The following PXYLP1 variants were observed in gnomAD, a reference collection of about 807,000 sequenced individuals.
PXYLP1 encodes the protein 2-phosphoxylose phosphatase 1.
Under a neutral mutation model 37.9 loss-of-function variants are expected in PXYLP1, and 17 were observed. The ratio of observed to expected loss-of-function variants is 0.45; its 90% CI spans 0.31 to 0.67. The LOEUF (loss-of-function observed/expected upper bound fraction) is 0.67, where lower values mean the gene tolerates loss of function less well. PXYLP1 is among the 30% of genes least tolerant of loss of function. The pLI is 0.07. For synonymous variants in PXYLP1, 221 were observed against 232.2 expected, an observed-to-expected ratio of 0.95 and a Z score of 0.44; for missense variants, 511 against 612.0, an observed-to-expected ratio of 0.84 and a Z score of 1.74.
At position 141,274,462 on chromosome 3, in the gene PXYLP1, A is replaced by G. The variant is rs529126510; in HGVS notation, c.80-3880A>G. 271 of 1,503,944 alleles carry G rather than the reference A, an allele frequency of 1.8e-4. 2 individuals carry two copies. In the South Asian group the frequency reaches 3.2e-3, roughly 18 times the overall value. The allele number at this position is 1,503,944 out of a possible 1,614,324, so 93.2% of individuals were successfully genotyped here. ...CTCTCCTCTTCCCCTCCACACAGCC[A>G]GCTTCATCAGTTTTTCAGGCCCAGC... On this transcript the variant is annotated intron_variant, in intron 2 of 5. Transcript: ENST00000286353.
At chr3:141,279,874 GCCT>G in intron 4 of PXYLP1, among the ~76,000 whole-genome samples, 1 of 152,242 alleles carries the variant, frequency 6.6e-6, no homozygotes, top group Non-Finnish European at 1.5e-5. Flanking sequence ...CTGAGCCTCA[GCCT>G]CCTACCTCTG....
chr3:141,279,867 A>G (rs1941906007), intron 4 of PXYLP1, among the ~76,000 whole-genome samples: 1 of 152,364 alleles, frequency 6.6e-6, no homozygotes, highest in African/African-American at 2.4e-5. Context: ...GTGTCCTCTG[A>G]GCCTCAGCCT....
chr3:141,251,754 G>T (rs984433480), intron 1 of PXYLP1, among the ~76,000 whole-genome samples: 1 of 152,150 alleles, frequency 6.6e-6, no homozygotes, highest in Non-Finnish European at 1.5e-5. Flanking sequence ...GTAAATGAAG[G>T]GGTTTGAACC....
intron 2 of PXYLP1, among the ~76,000 whole-genome samples, chr3:141,261,653 G>A (rs1222812086): frequency 6.6e-6 from 1 of 152,146 alleles, no homozygotes; most frequent in Non-Finnish European, 1.5e-5. Flanking sequence ...CCATGCACTA[G>A]TATAATTTTC....
chr3:141,285,447 G>A (rs966475319), intron 4 of PXYLP1, among the ~76,000 whole-genome samples: 1 of 151,768 alleles, frequency 6.6e-6, no homozygotes, highest in African/African-American at 2.4e-5. Context: ...CGGCCTGTTA[G>A]CTATTCTTTA....
chr3:141,278,538 G>A lies in PXYLP1; in HGVS notation c.238+38G>A, dbSNP rs958485580. 4 of 1,609,502 alleles carry A rather than the reference G, an allele frequency of 2.5e-6. 1 individual carries two copies. The highest frequency in any genetic ancestry group is 1.7e-4 in the Middle Eastern group (1 of 6,054). On this transcript the variant is annotated intron_variant, in intron 3 of 5. Transcript: ENST00000286353. ...GTGCCACCAGGACAGATACCCCTTT[G>A]GGGACTAGTTATTCCAGCAGCATTG... is the stretch of plus-strand genomic sequence containing the variant.
chr3:141,237,825 G>A (rs989664063), intron 1 of PXYLP1, among the ~76,000 whole-genome samples: 4 of 152,172 alleles, frequency 2.6e-5, no homozygotes, highest in Non-Finnish European at 5.9e-5. Flanking sequence ...AGCCATGAGA[G>A]GCTGTGAAGG....
chr3:141,232,614 T>C (rs940103583), intron 1 of PXYLP1, among the ~76,000 whole-genome samples: 15 of 152,230 alleles, frequency 9.9e-5, no homozygotes, highest in African/African-American at 3.6e-4. Context: ...ACGACGTTGC[T>C]TTTGCTGGTG....
At chr3:141,243,217 A>G (rs1345315266) in intron 1 of PXYLP1, among the ~76,000 whole-genome samples, 2 of 152,224 alleles carry the variant, frequency 1.3e-5, no homozygotes, top group South Asian at 2.1e-4. Flanking sequence ...CACCAGTTGT[A>G]TGATGATACA....
At chr3:141,253,115 C>T (rs1941180981) in intron 1 of PXYLP1, among the ~76,000 whole-genome samples, 2 of 152,312 alleles carry the variant, frequency 1.3e-5, no homozygotes, top group Middle Eastern at 3.4e-3. Flanking sequence ...CTTCCCGCTC[C>T]ATCCTGCAGC....
chr3:141,252,529 C>G (rs1041021674), intron 1 of PXYLP1, among the ~76,000 whole-genome samples: 1 of 152,100 alleles, frequency 6.6e-6, no homozygotes, highest in African/African-American at 2.4e-5. Context: ...CCAGCTCTCA[C>G]GTCAACTAAC....
intron 2 of PXYLP1, chr3:141,274,484 C>T: frequency 1.3e-6 from 2 of 1,518,686 alleles, no homozygotes; most frequent in South Asian, 1.2e-5. Context: ...TTTTCAGGCC[C>T]AGCTAGGTGT....
chr3:141,239,437 G>A (rs573419761), intron 1 of PXYLP1, among the ~76,000 whole-genome samples: 1 of 152,304 alleles, frequency 6.6e-6, no homozygotes, highest in African/African-American at 2.4e-5. Flanking sequence ...GGTGGCTAAC[G>A]TCAGCAGGCA....
intron 1 of PXYLP1, among the ~76,000 whole-genome samples, chr3:141,242,966 T>C (rs1940847854): frequency 6.6e-6 from 1 of 152,208 alleles, no homozygotes; most frequent in South Asian, 2.1e-4. Context: ...AATGAATGAA[T>C]GAATGAATTA....
intron 2 of PXYLP1, among the ~76,000 whole-genome samples, chr3:141,277,676 C>T (rs1009032753): frequency 2.6e-5 from 4 of 152,196 alleles, no homozygotes; most frequent in Admixed American, 6.5e-5. Flanking sequence ...CCTGACCACA[C>T]GTGGTGGTGA....
chr3:141,289,038 G>C (rs904445641), intron 5 of PXYLP1, among the ~76,000 whole-genome samples: 1 of 152,286 alleles, frequency 6.6e-6, no homozygotes, highest in Admixed American at 6.5e-5. Flanking sequence ...CTTAAGAACA[G>C]CTACACTAGA....
chr3:141,293,478 C>T lies in PXYLP1; in HGVS notation c.*273C>T. On this transcript the variant is annotated 3_prime_UTR_variant, in exon 6 of 6. Coordinates refer to ENST00000286353, the MANE Select transcript of PXYLP1 (RefSeq NM_001037172.3). The stretch of plus-strand genomic sequence containing the variant: ...CTTAGAATGCCAGAATAATATAGTT[C>T]AAGACCTGAAGTTGCCAATCCAAGT... The T allele has an allele frequency of 2.4e-6, 1 of 421,518 alleles. No homozygotes were observed. Among genetic ancestry groups the T allele is most frequent in the Non-Finnish European group, 4.2e-6 (1 of 236,728 alleles). The allele number at this position is 421,518 out of a possible 1,614,324, so 26.1% of individuals were successfully genotyped here.
intron 2 of PXYLP1, among the ~76,000 whole-genome samples, chr3:141,264,404 G>A (rs1399270667): frequency 2.0e-5 from 3 of 152,168 alleles, no homozygotes; most frequent in Non-Finnish European, 4.4e-5. Context: ...TAAAGTATTG[G>A]ACAGGTCATT....
intron 4 of PXYLP1, among the ~76,000 whole-genome samples, chr3:141,280,854 G>A (rs534921807): frequency 4.8e-4 from 73 of 152,318 alleles, no homozygotes; most frequent in Admixed American, 4.6e-3. Context: ...CCAGCAGGCA[G>A]GGTGCAGTGA....
Sources: allele counts gnomAD v4.1 joint callset (sites outside exome capture counted in the v4.1 genomes callset), GRCh38; gene constraint gnomAD v4.1.1; transcripts MANE v1.5; gene names NCBI Gene and HGNC (gene_info 2026-07-23, HGNC 2026-07-21).